Variants in STK32B observed in about 807,000 individuals in gnomAD.
STK32B encodes the protein serine/threonine-protein kinase 32B.
Under a neutral mutation model 52.6 loss-of-function variants are expected in STK32B, and 43 were observed. The observed-to-expected ratio is 0.82, with a 90% confidence interval of 0.64 to 1.05. The LOEUF is 1.05. Among genes scored for constraint, STK32B ranks in the 50% least tolerant of loss-of-function variants. The probability of loss-of-function intolerance (pLI) is 0.00; values close to 1 mark genes in which losing one functional copy is unlikely to be tolerated. For synonymous variants in STK32B, 238 were observed against 204.3 expected (o/e 1.17, Z -1.41); for missense variants, 621 against 534.6 (o/e 1.16, Z -1.59).
chr4:5,466,825 C>T lies in STK32B; in HGVS notation c.1032C>T (p.Ser344=). 1.9e-6 allele frequency: 3 copies of T among 1,613,418 alleles called. No homozygotes were observed. Among genetic ancestry groups the T allele is most frequent in the Non-Finnish European group, 2.5e-6 (3 of 1,179,666 alleles). ...KNRSRDGTKD[S]CPLNGHLQHC... ...GATCCAGGGATGGCACAAAGGACAG[C>T]TGCCCGCTGGTGAGTGCTTCGTGGG... Residue 344 remains serine, a synonymous_variant, in exon 10 of 12, where the codon AGC becomes AGT. Coordinates refer to ENST00000282908, the MANE Select transcript of STK32B (RefSeq NM_018401.3).
chr4:5,496,823 C>T (rs958729649), intron 11 of STK32B, among the ~76,000 whole-genome samples: 3 of 150,532 alleles, frequency 2.0e-5, no homozygotes, highest in Non-Finnish European at 4.4e-5. Flanking sequence ...AAAAAAACAG[C>T]ATGAAGATCA....
chr4:5,478,136 C>G (rs1031158585), intron 11 of STK32B, among the ~76,000 whole-genome samples: 13 of 152,272 alleles, frequency 8.5e-5, no homozygotes, highest in African/African-American at 3.1e-4. Context: ...CTACCAGTTG[C>G]CCATCCATTC....
At chr4:5,488,387 C>T (rs1048231064) in intron 11 of STK32B, among the ~76,000 whole-genome samples, 104 of 152,222 alleles carry the variant, frequency 6.8e-4, no homozygotes, top group African/African-American at 2.4e-3. Flanking sequence ...GAACATCCTG[C>T]AATTTTATTA....
At chr4:5,310,207 C>T (rs6856451) in intron 3 of STK32B, among the ~76,000 whole-genome samples, 19,429 of 151,888 alleles carry the variant, frequency 0.13, 2,689 homozygotes, top group African/African-American at 0.35. Flanking sequence ...AACCTAAAAA[C>T]CTTCTGTACA....
chr4:5,122,086 A>C (rs1715057901), intron 1 of STK32B, among the ~76,000 whole-genome samples: 1 of 151,546 alleles, frequency 6.6e-6, no homozygotes, highest in Non-Finnish European at 1.5e-5. Context: ...TCATTCTCTC[A>C]CTCATTTACT....
chr4:5,242,941 C>CT (rs1370689708), intron 3 of STK32B, among the ~76,000 whole-genome samples: 5 of 152,204 alleles, frequency 3.3e-5, no homozygotes, highest in African/African-American at 1.2e-4. Context: ...ATCTATATCT[C>CT]TGTTTTGGTA....
chr4:5,205,243 G>A (rs1429366608), intron 3 of STK32B, among the ~76,000 whole-genome samples: 3 of 152,062 alleles, frequency 2.0e-5, no homozygotes, highest in Non-Finnish European at 4.4e-5. Context: ...CCTCTCCTTT[G>A]CCCTCAGACT....
chr4:5,051,107 C>A (rs1464717734), upstream of STK32B, among the ~76,000 whole-genome samples: 2 of 152,138 alleles, frequency 1.3e-5, no homozygotes, highest in Non-Finnish European at 2.9e-5. Flanking sequence ...CTGCCCATCC[C>A]AATATGAATG....
intron 3 of STK32B, among the ~76,000 whole-genome samples, chr4:5,232,217 G>A (rs978960881): frequency 1.3e-5 from 2 of 152,102 alleles, no homozygotes; most frequent in African/African-American, 4.8e-5. Flanking sequence ...AAAGGAAATC[G>A]ATGATAGTCT....
chr4:5,218,275 T>C (rs971320531), intron 3 of STK32B, among the ~76,000 whole-genome samples: 3 of 152,174 alleles, frequency 2.0e-5, no homozygotes, highest in African/African-American at 7.2e-5. Flanking sequence ...CCAAGCTGAT[T>C]TGTAGTTTTA....
chr4:5,045,028 C>A, the STK32B span, among the ~76,000 whole-genome samples: 1 of 152,358 alleles, frequency 6.6e-6, no homozygotes, highest in East Asian at 1.9e-4. Context: ...TAGCAGTAGT[C>A]TCAAAGCCAG....
At chr4:5,357,833 AC>A (rs534319409) in intron 4 of STK32B, among the ~76,000 whole-genome samples, 181 of 152,038 alleles carry the variant, frequency 1.2e-3, no homozygotes, top group African/African-American at 4.2e-3. Context: ...GCTCCCCACC[AC>A]ACCTCCCATC....
chr4:5,160,303 G>C (rs890930924), intron 2 of STK32B, among the ~76,000 whole-genome samples: 1 of 152,114 alleles, frequency 6.6e-6, no homozygotes, highest in African/African-American at 2.4e-5. Context: ...TGCTTACCAT[G>C]GAGCCTTTAT....
intron 2 of STK32B, among the ~76,000 whole-genome samples, chr4:5,149,360 ATTG>A (rs1278224370): frequency 6.6e-6 from 1 of 151,686 alleles, no homozygotes; most frequent in Non-Finnish European, 1.5e-5. Context: ...ATTTTGGTCT[ATTG>A]TTGTTTTATT....
At chr4:5,159,578 T>TATATATGAATATATATGA (rs1553840363) in intron 2 of STK32B, among the ~76,000 whole-genome samples, 1 of 22,282 alleles carries the variant, frequency 4.5e-5, no homozygotes, top group Non-Finnish European at 7.9e-5. Context: ...TATATATGAA[T>TATATATGAATATATATGA]ATATATATGA....
At chr4:5,188,774 AT>A (rs1404932969) in intron 3 of STK32B, among the ~76,000 whole-genome samples, 2 of 137,994 alleles carry the variant, frequency 1.4e-5, no homozygotes, top group African/African-American at 5.6e-5. Flanking sequence ...GATAACTGCC[AT>A]CTTTTTTTTT....
At chr4:5,269,358 A>G (rs1727267199) in intron 3 of STK32B, among the ~76,000 whole-genome samples, 1 of 152,190 alleles carries the variant, frequency 6.6e-6, no homozygotes, top group Non-Finnish European at 1.5e-5. Context: ...TAGATTAAGT[A>G]TTACTCCTGC....
chr4:5,327,035 T>C (rs911805357), intron 3 of STK32B, among the ~76,000 whole-genome samples: 1 of 152,126 alleles, frequency 6.6e-6, no homozygotes, highest in African/African-American at 2.4e-5. Context: ...GCAGATTCCA[T>C]CTCAAGAAGC....
intron 5 of STK32B, among the ~76,000 whole-genome samples, chr4:5,414,575 T>G (rs989472520): frequency 1.3e-5 from 2 of 152,196 alleles, no homozygotes; most frequent in African/African-American, 4.8e-5. Context: ...TGGGTATATA[T>G]TCTTAGGCAC....
Sources: gnomAD v4.1 joint callset for allele counts (sites outside exome capture counted in the v4.1 genomes callset) on GRCh38, gnomAD v4.1.1 for gene constraint, MANE v1.5 for transcripts, NCBI Gene and HGNC (gene_info 2026-07-23, HGNC 2026-07-21) for gene names.